The following TBC1D4 variants were observed in gnomAD, a reference collection of about 807,000 sequenced individuals.
TBC1D4 encodes the protein TBC1 domain family member 4, also known as TBC (Tre-2, BUB2, CDC16) domain-containing protein.
A neutral mutation model predicts 142.5 loss-of-function variants in TBC1D4; 121 were observed. The observed-to-expected ratio is 0.85, with a 90% CI of 0.73 to 0.99. TBC1D4 has a LOEUF of 0.99. Among genes scored for constraint, TBC1D4 ranks in the 50% least tolerant of loss-of-function variants. The pLI is 0.00. For synonymous variants in TBC1D4, 630 were observed against 628.2 expected, an observed-to-expected ratio of 1.00 and a Z score of -0.04; for missense variants, 1,475 against 1,606.6, an observed-to-expected ratio of 0.92 and a Z score of 1.40.
At chr13:75,442,779 G>GA (rs545872938) in intron 1 of TBC1D4, among the ~76,000 whole-genome samples, 4,430 of 133,380 alleles carry the variant, frequency 0.033, 100 homozygotes, top group Non-Finnish European at 0.048. Context: ...CTCGGTTTCG[G>GA]AAAAAAAAAA....
At chr13:75,289,180 G>C in intron 19 of TBC1D4, 70 bp from the exon 20 acceptor site, 1 of 1,547,638 alleles carries the variant, frequency 6.5e-7, no homozygotes, top group African/African-American at 1.4e-5. Flanking sequence ...GTTTATCTTG[G>C]TATATTTCAT....
chr13:75,312,624 G>T, intron 13 of TBC1D4, 114 bp downstream of exon 13: 1 of 1,395,298 alleles, frequency 7.2e-7, no homozygotes, highest in Non-Finnish European at 1.0e-6. Context: ...ATCACATACA[G>T]AAAGATATTT....
intron 1 of TBC1D4, among the ~76,000 whole-genome samples, chr13:75,373,898 G>T (rs570795893): frequency 5.4e-4 from 82 of 152,236 alleles, no homozygotes; most frequent in African/African-American, 1.9e-3. Context: ...ACGATACCAA[G>T]AGAAAGTGTA....
chr13:75,430,757 C>T (rs1193725962), intron 1 of TBC1D4, among the ~76,000 whole-genome samples: 1 of 151,756 alleles, frequency 6.6e-6, no homozygotes, highest in Non-Finnish European at 1.5e-5. Flanking sequence ...TCCCTTAAGG[C>T]TTTATCCTGT....
intron 1 of TBC1D4, among the ~76,000 whole-genome samples, chr13:75,442,491 ATTTAAG>A (rs1887085159): frequency 6.6e-6 from 1 of 152,152 alleles, no homozygotes; most frequent in South Asian, 2.1e-4. Flanking sequence ...TAAAACTAAC[ATTTAAG>A]TTTGAGTGTC....
intron 1 of TBC1D4, among the ~76,000 whole-genome samples, chr13:75,412,816 A>G (rs992989665): frequency 6.6e-6 from 1 of 152,230 alleles, no homozygotes; most frequent in African/African-American, 2.4e-5. Flanking sequence ...CCAATTTTCA[A>G]TTTATTGTTG....
At chr13:75,319,830 T>C (rs1056230506) in intron 12 of TBC1D4, among the ~76,000 whole-genome samples, 184 bp downstream of exon 12, 1 of 152,196 alleles carries the variant, frequency 6.6e-6, no homozygotes, top group African/African-American at 2.4e-5. Context: ...ACATTTTACA[T>C]GGTAATTCAT....
chr13:75,302,691 C>T (rs1876701683), intron 15 of TBC1D4: 1 of 457,444 alleles, frequency 2.2e-6, no homozygotes, highest in Non-Finnish European at 4.0e-6. Flanking sequence ...GGGTGCCTAG[C>T]TACTAAGCAC....
At chr13:75,321,696 A>G (rs551314907) in intron 11 of TBC1D4, among the ~76,000 whole-genome samples, 1 of 152,312 alleles carries the variant, frequency 6.6e-6, no homozygotes, top group African/African-American at 2.4e-5. Context: ...TACCGTGTAG[A>G]TATTCATCAA....
intron 20 of TBC1D4, 126 bp from the exon 21 acceptor site, chr13:75,287,151 A>C: frequency 1.2e-6 from 1 of 809,756 alleles, no homozygotes; most frequent in Non-Finnish European, 2.0e-6. Context: ...TACTCTGAAA[A>C]CCTACAGGAA....
At chr13:75,381,746 T>C (rs905316514) in intron 1 of TBC1D4, among the ~76,000 whole-genome samples, 3 of 152,240 alleles carry the variant, frequency 2.0e-5, no homozygotes, top group Admixed American at 6.5e-5. Context: ...AGGCCCTAAG[T>C]ATGCTAGGCG....
chr13:75,400,279 G>T (rs1428563628), intron 1 of TBC1D4, among the ~76,000 whole-genome samples: 2 of 151,810 alleles, frequency 1.3e-5, no homozygotes, highest in Non-Finnish European at 2.9e-5. Flanking sequence ...CTAACCAGCC[G>T]CACTTTTTTT....
chr13:75,388,671 CAAAT>C (rs1884311656), intron 1 of TBC1D4, among the ~76,000 whole-genome samples: 1 of 152,110 alleles, frequency 6.6e-6, no homozygotes, highest in Middle Eastern at 3.2e-3. Flanking sequence ...GTGAAAAAGA[CAAAT>C]AACATCTTAA....
chr13:75,319,203 A>AT (rs1216070787), intron 12 of TBC1D4, among the ~76,000 whole-genome samples: 2 of 152,118 alleles, frequency 1.3e-5, no homozygotes, highest in Non-Finnish European at 2.9e-5. Context: ...TTTTCTGAGG[A>AT]TTTTTTCTCC....
Position 75,432,272 on chromosome 13 carries a change from C to G in TBC1D4, c.498+48998G>C, listed in dbSNP as rs187182143. 3.3e-5 allele frequency among the ~76,000 whole-genome samples: 5 copies of G among 152,192 alleles called. No individual in the cohort carries two copies. The South Asian group carries it at 6.2e-4, about 19-fold the overall frequency. The stretch of plus-strand genomic sequence containing the variant: ...CCATCCCTGGGGCAAGCATCTCAGC[C>G]AAGGGATAAATGTATTAACTGCCCA... On this transcript the variant is annotated intron_variant, in intron 1 of 20. Coordinates refer to ENST00000377636, the MANE Select transcript of TBC1D4 (RefSeq NM_014832.5).
intron 5 of TBC1D4, among the ~76,000 whole-genome samples, 169 bp downstream of exon 5, chr13:75,349,001 C>A (rs987562745): frequency 6.9e-6 from 1 of 145,724 alleles, no homozygotes; most frequent in Non-Finnish European, 1.5e-5. Flanking sequence ...GTGTGTCAAG[C>A]ACCTAGCAGA....
chr13:75,465,629 C>A (rs1888134936), intron 1 of TBC1D4, among the ~76,000 whole-genome samples: 1 of 152,114 alleles, frequency 6.6e-6, no homozygotes, highest in African/African-American at 2.4e-5. Flanking sequence ...CTCCTCTCAG[C>A]AAAGGGCATT....
intron 1 of TBC1D4, among the ~76,000 whole-genome samples, chr13:75,462,585 C>T (rs989412336): frequency 4.6e-5 from 7 of 151,850 alleles, no homozygotes; most frequent in Admixed American, 2.0e-4. Context: ...CTAAATTGTA[C>T]CCTCCCCTGC....
chr13:75,400,817 A>G (rs1040422471), intron 1 of TBC1D4, among the ~76,000 whole-genome samples: 1 of 152,048 alleles, frequency 6.6e-6, no homozygotes, highest in African/African-American at 2.4e-5. Flanking sequence ...ACATAGAGTG[A>G]AATTCCTCAC....
Sources: gnomAD v4.1 joint callset for allele counts (sites outside exome capture counted in the v4.1 genomes callset) on GRCh38, gnomAD v4.1.1 for gene constraint, MANE v1.5 for transcripts, NCBI Gene and HGNC (gene_info 2026-07-23, HGNC 2026-07-21) for gene names.